The following PPP1R12A variants were observed in gnomAD, a reference collection of about 807,000 sequenced individuals.
PPP1R12A encodes the protein protein phosphatase 1 regulatory subunit 12A.
A neutral mutation model predicts 139.6 loss-of-function variants in PPP1R12A; 19 were observed. That is an observed-to-expected ratio of 0.14 (90% confidence interval 0.09 to 0.20). The LOEUF (loss-of-function observed/expected upper bound fraction) is 0.20, where lower values mean the gene tolerates loss of function less well. Among genes scored for constraint, PPP1R12A ranks in the 10% least tolerant of loss-of-function variants. The pLI is 1.00. For missense variants in PPP1R12A, 925 were observed against 1,211.5 expected, an observed-to-expected ratio of 0.76 and a Z score of 3.51; for synonymous variants, 427 against 420.6, an observed-to-expected ratio of 1.02 and a Z score of -0.19.
intron 8 of PPP1R12A, chr12:79,818,854 A>C (rs1239454007): frequency 6.6e-6 from 1 of 152,216 alleles, no homozygotes; most frequent in African/African-American, 2.4e-5. Context: ...TTTCCCAAGG[A>C]AATAACCTTA....
chr12:79,899,233 A>AAAAAAT (rs1885406970), intron 1 of PPP1R12A, among the ~76,000 whole-genome samples: 2 of 141,922 alleles, frequency 1.4e-5, no homozygotes, highest in South Asian at 4.7e-4. Flanking sequence ...AGATCTTAAA[A>AAAAAAT]ATATATATAT....
At chr12:79,812,391 C>CGTGTGTGTGTGTGTGTGT (rs1156924649) in intron 9 of PPP1R12A, among the ~76,000 whole-genome samples, 1,819 of 134,568 alleles carry the variant, frequency 0.014, 56 homozygotes, top group African/African-American at 0.045. Flanking sequence ...TCTGTGTGTG[C>CGTGTGTGTGTGTGTGTGT]GTGTGTGTGT....
Position 79,778,541 on chromosome 12 carries a change from TTTAC to T in PPP1R12A, c.3006+5_3006+8del. ...GCACTCTCTCTCATAAGTAACATAG[TTTAC>T]TTACTTTGAGCTCTTCTTCCATTTC... On this transcript the variant is annotated splice_donor_5th_base_variant and intron_variant, in intron 24 of 24. Transcript: ENST00000450142. The T allele has an allele frequency of 6.6e-7, 1 of 1,505,546 alleles. No individual in the cohort carries two copies. The highest frequency in any genetic ancestry group is 9.0e-7 in the Non-Finnish European group (1 of 1,113,542). The allele number at this position is 1,505,546 out of a possible 1,614,324, so 93.3% of individuals were successfully genotyped here. A position where few individuals can be genotyped will look rare whatever the true frequency, so the allele number is the denominator to read the frequency against.
At chr12:79,798,800 C>A (rs2137033019) in intron 14 of PPP1R12A, among the ~76,000 whole-genome samples, 1 of 152,180 alleles carries the variant, frequency 6.6e-6, no homozygotes, top group Admixed American at 6.5e-5. Context: ...TTTAACATCA[C>A]ATTTTAACTT....
chr12:79,798,486 A>G lies in PPP1R12A; in HGVS notation c.2091+8T>C. The stretch of plus-strand genomic sequence containing the variant: ...GTAAGTTTTATATATTAATTACATT[A>G]ACTATACCTGTGTTGATCTTCTAGA... On this transcript the variant is annotated splice_region_variant and intron_variant, in intron 15 of 24. Transcript: ENST00000450142. 1 of 1,501,528 alleles carries G rather than the reference A, an allele frequency of 6.7e-7. No homozygotes were observed. Among genetic ancestry groups the G allele is most frequent in the East Asian group, 2.4e-5 (1 of 41,374 alleles). 93.0% of individuals were successfully genotyped at this position (1,501,528 alleles called of 1,614,324 possible). A position where few individuals can be genotyped will look rare whatever the true frequency, so the allele number is the denominator to read the frequency against.
intron 8 of PPP1R12A, 94 bp downstream of exon 8, chr12:79,820,680 A>C: frequency 7.5e-7 from 1 of 1,338,810 alleles, no homozygotes; most frequent in Non-Finnish European, 1.0e-6. Context: ...ACAAGTAGCA[A>C]ATCAGTCTGA....
At chr12:79,869,846 G>A (rs1200793745) in intron 2 of PPP1R12A, among the ~76,000 whole-genome samples, 1 of 151,716 alleles carries the variant, frequency 6.6e-6, no homozygotes, top group Admixed American at 6.6e-5. Context: ...AAATACTTCA[G>A]TTACCACAGT....
chr12:79,780,977 G>A (rs1444405303), intron 23 of PPP1R12A, among the ~76,000 whole-genome samples: 1 of 151,864 alleles, frequency 6.6e-6, no homozygotes, highest in African/African-American at 2.4e-5. Context: ...TAGAATGGAA[G>A]AAAAATGTTT....
chr12:79,869,285 C>T (rs1295929093), intron 2 of PPP1R12A, among the ~76,000 whole-genome samples: 7 of 152,230 alleles, frequency 4.6e-5, no homozygotes, highest in Admixed American at 2.0e-4. Context: ...ATACTGTAAT[C>T]TGACATTCTT....
In PPP1R12A at chr12:79,844,925, T is replaced by C. The variant is rs946300533; in HGVS notation, c.487+377A>G. Among the ~76,000 whole-genome samples, 44 of 152,184 alleles carry C rather than the reference T, an allele frequency of 2.9e-4. 1 individual carries two copies. Among genetic ancestry groups the C allele is most frequent in the African/African-American group, 9.9e-4 (41 of 41,452 alleles). ...CAGATCATCATGACTCATTCCCTCA[T>C]TGTATTCACATCTCAGCTTAAATGA... On this transcript the variant is annotated intron_variant, in intron 3 of 24. Transcript: ENST00000450142.
chr12:79,809,099 G>T (rs766808355), intron 10 of PPP1R12A, among the ~76,000 whole-genome samples: 7 of 151,930 alleles, frequency 4.6e-5, no homozygotes, highest in Non-Finnish European at 8.8e-5. Context: ...TAGTAAGCTG[G>T]CATAAAATAC....
chr12:79,881,622 G>A (rs953366766), intron 1 of PPP1R12A, among the ~76,000 whole-genome samples: 1 of 152,202 alleles, frequency 6.6e-6, no homozygotes, highest in African/African-American at 2.4e-5. Flanking sequence ...AGTGCTGATG[G>A]AGAAGCTGCA....
rs116560911 is a variant in PPP1R12A, at chr12:79,850,496, A to T, written c.369-5076T>A. Among the ~76,000 whole-genome samples, 526 of 152,364 alleles carry T rather than the reference A, an allele frequency of 3.5e-3. 4 individuals are homozygous for T. The highest frequency in any genetic ancestry group is 0.012 in the African/African-American group (506 of 41,586). On this transcript the variant is annotated intron_variant, in intron 2 of 24. Transcript: ENST00000450142. ...ATTTAAAAATTTTCATCTTTTAAGA[A>T]AAAATTTAAGAAAAACTTTGTCTTT... is the stretch of plus-strand genomic sequence containing the variant.
intron 14 of PPP1R12A, among the ~76,000 whole-genome samples, chr12:79,804,689 T>C (rs368878454): frequency 6.6e-6 from 1 of 151,308 alleles, no homozygotes; most frequent in Admixed American, 6.6e-5. Flanking sequence ...TTTGCAAGAA[T>C]AAAATATAAA....
chr12:79,833,340 C>T (rs912112492), intron 3 of PPP1R12A, among the ~76,000 whole-genome samples: 2 of 151,966 alleles, frequency 1.3e-5, no homozygotes, highest in Admixed American at 1.3e-4. Context: ...AGCTCAACAC[C>T]TTGGAAAAAA....
chr12:79,855,856 AGGACCTGTG>A, intron 2 of PPP1R12A, among the ~76,000 whole-genome samples: 1 of 152,258 alleles, frequency 6.6e-6, no homozygotes, highest in East Asian at 1.9e-4. Context: ...TTTATGCATA[AGGACCTGTG>A]GGAAGTAGTA....
intron 14 of PPP1R12A, among the ~76,000 whole-genome samples, chr12:79,799,901 C>G (rs781193653): frequency 2.6e-5 from 4 of 151,874 alleles, no homozygotes; most frequent in Non-Finnish European, 5.9e-5. Flanking sequence ...CCCAGTTACT[C>G]GGGAGGCTGA....
At position 79,826,580 on chromosome 12, in the gene PPP1R12A, A is replaced by G. The variant is rs557158357; in HGVS notation, c.792+1740T>C. 5.9e-5 allele frequency among the ~76,000 whole-genome samples: 9 copies of G among 152,260 alleles called. No homozygotes were observed. The East Asian group carries it at 1.4e-3, about 23-fold the overall frequency. ...TAAGGAGTAAATAAAATTTAGAGTGACATAAGGAGCTGCTACTATAGTAAT... is the reference window on the plus strand; with the variant it reads ...TAAGGAGTAAATAAAATTTAGAGTGGCATAAGGAGCTGCTACTATAGTAAT... On this transcript the variant is annotated intron_variant, in intron 5 of 24. Transcript: ENST00000450142.
At chr12:79,919,039 C>T (rs563089090) in intron 1 of PPP1R12A, among the ~76,000 whole-genome samples, 10 of 151,930 alleles carry the variant, frequency 6.6e-5, no homozygotes, top group African/African-American at 2.2e-4. Context: ...TCACTTGAAC[C>T]GGGGAGGCAG....
Sources: allele counts gnomAD v4.1 joint callset (sites outside exome capture counted in the v4.1 genomes callset), GRCh38; gene constraint gnomAD v4.1.1; transcripts MANE v1.5; gene names NCBI Gene and HGNC (gene_info 2026-07-23, HGNC 2026-07-21).